The following ASB14 variants were observed in gnomAD, a reference collection of about 807,000 sequenced individuals.
The protein encoded by ASB14 is ankyrin repeat and SOCS box protein 14.
In ASB14, 63 loss-of-function variants were observed where a neutral mutation model predicts 55.6. The observed-to-expected ratio is 1.13, with a 90% confidence interval of 0.92 to 1.40. The LOEUF is 1.40. ASB14 is among the 40% of genes most tolerant of loss of function. The pLI, the probability that ASB14 is intolerant of heterozygous loss-of-function variation, is 0.00. For missense variants in ASB14, 724 were observed against 710.4 expected, an observed-to-expected ratio of 1.02 and a Z score of -0.22; for synonymous variants, 256 against 259.9, an observed-to-expected ratio of 0.98 and a Z score of 0.15.
At chr3:57,281,264 G>A (rs1168358148) in intron 6 of ASB14, among the ~76,000 whole-genome samples, 2 of 151,208 alleles carry the variant, frequency 1.3e-5, no homozygotes, top group Non-Finnish European at 3.0e-5. Context: ...TATGTTAAGT[G>A]TTATGTGAGT....
intron 5 of ASB14, among the ~76,000 whole-genome samples, chr3:57,284,730 G>T (rs1297302341): frequency 2.0e-5 from 3 of 152,158 alleles, no homozygotes; most frequent in Non-Finnish European, 4.4e-5. Flanking sequence ...AAGGAAACAG[G>T]TTTAGAGAGG....
intron 2 of ASB14, among the ~76,000 whole-genome samples, chr3:57,290,807 A>G (rs1355923025): frequency 1.3e-5 from 2 of 152,246 alleles, no homozygotes; most frequent in Non-Finnish European, 2.9e-5. Flanking sequence ...GGTTTTAATC[A>G]TAAGGTTAAT....
chr3:57,292,182 A>G lies in ASB14; in HGVS notation c.-71-78T>C, dbSNP rs148626039. 1.3e-4 allele frequency: 132 copies of G among 989,858 alleles called. 2 individuals are homozygous for G. The Middle Eastern group carries it at 2.1e-3, about 16-fold the overall frequency. The allele number at this position is 989,858 out of a possible 1,614,324, so 61.3% of individuals were successfully genotyped here. On this transcript the variant is annotated intron_variant, in intron 1 of 10. Coordinates refer to ENST00000487349, the MANE Select transcript of ASB14 (RefSeq NM_001142733.3). ...CAATGAAAAATATACAAAATTTAGGAAACAAAATATTCACTAAAAAATTTC... is the reference window on the plus strand; with the variant it reads ...CAATGAAAAATATACAAAATTTAGGGAACAAAATATTCACTAAAAAATTTC...
intron 10 of ASB14, chr3:57,271,158 T>C (rs896415392): frequency 3.9e-5 from 6 of 152,580 alleles, no homozygotes; most frequent in African/African-American, 1.2e-4. Flanking sequence ...TATACAGTTT[T>C]TTCTTCTTAG....
At chr3:57,284,151 G>C (rs1396261483) in intron 5 of ASB14, among the ~76,000 whole-genome samples, 1 of 88,344 alleles carries the variant, frequency 1.1e-5, no homozygotes, top group African/African-American at 4.1e-5. Context: ...TATATATTTA[G>C]GCTCTCATTC....
intron 7 of ASB14, 49 bp from the exon 8 acceptor site, chr3:57,278,969 C>T (rs970798145): frequency 6.4e-7 from 1 of 1,557,462 alleles, no homozygotes; most frequent in African/African-American, 1.4e-5. Context: ...TAAGATGTAG[C>T]ACTAACTTGT....
intron 10 of ASB14, chr3:57,270,286 TTTCTC>T (rs1287484246): frequency 3.3e-5 from 5 of 152,706 alleles, no homozygotes; most frequent in African/African-American, 1.2e-4. Context: ...ATTGCTCACA[TTTCTC>T]TAATGTACTG....
At chr3:57,271,269 T>C (rs980453340) in intron 10 of ASB14, 8 of 152,606 alleles carry the variant, frequency 5.2e-5, no homozygotes, top group Non-Finnish European at 8.8e-5. Context: ...GATAATGATA[T>C]ATAGGATCAT....
At chr3:57,269,914 C>T in intron 10 of ASB14, 1 of 363,716 alleles carries the variant, frequency 2.7e-6, no homozygotes, top group Non-Finnish European at 4.8e-6. Context: ...TAAAGGAAAC[C>T]TGCTCATCTC....
rs575787356 is a variant in ASB14, at chr3:57,281,231, A to G, written c.716-758T>C. On this transcript the variant is annotated intron_variant, in intron 6 of 10. Coordinates refer to ENST00000487349, the MANE Select transcript of ASB14 (RefSeq NM_001142733.3). ...ATTCTGGATTTCAGATTTTCAGATTAAGAATGCTTAACTTACACCCTGTAT... is the reference window on the plus strand; with the variant it reads ...ATTCTGGATTTCAGATTTTCAGATTGAGAATGCTTAACTTACACCCTGTAT... Among the ~76,000 whole-genome samples the G allele has an allele frequency of 5.3e-5, 8 of 152,116 alleles. 1 individual carries two copies. In the South Asian group the frequency reaches 1.7e-3, roughly 32 times the overall value.
Position 57,288,873 on chromosome 3 carries a change from C to G in ASB14, c.178+195G>C, listed in dbSNP as rs531440304. 7 of 423,924 alleles carry G rather than the reference C, an allele frequency of 1.7e-5. No homozygotes were observed. In the East Asian group the frequency reaches 3.2e-4, roughly 20 times the overall value. 26.3% of individuals were successfully genotyped at this position (423,924 alleles called of 1,614,324 possible). A position where few individuals can be genotyped will look rare whatever the true frequency, so the allele number is the denominator to read the frequency against. On this transcript the variant is annotated intron_variant, in intron 3 of 10. Coordinates refer to ENST00000487349, the MANE Select transcript of ASB14 (RefSeq NM_001142733.3). ...GGGATTACAGGCGCCCGCCACCATG[C>G]CCGGCTAATTTTTTGCATTTTTAGT... is the stretch of plus-strand genomic sequence containing the variant.
chr3:57,291,826 G>T, intron 2 of ASB14, 86 bp downstream of exon 2: 7 of 1,198,514 alleles, frequency 5.8e-6, no homozygotes, highest in Admixed American at 2.9e-5. Context: ...TCCTGTTTTT[G>T]TCACAACACT....
intron 5 of ASB14, among the ~76,000 whole-genome samples, chr3:57,285,382 C>T (rs1165980588): frequency 2.6e-5 from 4 of 152,002 alleles, no homozygotes; most frequent in Admixed American, 6.6e-5. Context: ...TCTTCATGCC[C>T]GTGTCTCTAA....
At chr3:57,271,304 A>G (rs1559517610) in intron 10 of ASB14, 1 of 152,578 alleles carries the variant, frequency 6.6e-6, no homozygotes, top group Non-Finnish European at 1.5e-5. Flanking sequence ...CCATGTGCCA[A>G]ATGGGTGTAA....
intron 5 of ASB14, among the ~76,000 whole-genome samples, chr3:57,284,771 A>ACAGTG (rs2061067619): frequency 6.6e-6 from 1 of 152,176 alleles, no homozygotes. Flanking sequence ...TTTTCACTAT[A>ACAGTG]CAGTGCTAGG....
intron 10 of ASB14, 27 bp from the exon 11 acceptor site, chr3:57,269,645 T>C: frequency 6.2e-7 from 1 of 1,613,416 alleles, no homozygotes; most frequent in Middle Eastern, 1.6e-4. Flanking sequence ...CAGAAGAGAG[T>C]GATTTGGGAG....
At chr3:57,286,869 G>A (rs1432884391) in intron 5 of ASB14, among the ~76,000 whole-genome samples, 1 of 152,044 alleles carries the variant, frequency 6.6e-6, no homozygotes, top group East Asian at 1.9e-4. Flanking sequence ...GCTACTCTTG[G>A]ATCATCCAAC....
Position 57,276,598 on chromosome 3 carries a change from G to A in ASB14, c.1716C>T (p.Tyr572=). 1 of 1,613,656 alleles carries A rather than the reference G, an allele frequency of 6.2e-7. No homozygotes were observed. The highest frequency in any genetic ancestry group is 8.5e-7 in the Non-Finnish European group (1 of 1,179,688). The part of the protein sequence containing the change: ...LPNRLKAYVL[Y]KEYDLYGQGI... The stretch of plus-strand genomic sequence containing the variant: ...CTTGTCCATAAAGGTCGTATTCTTT[G>A]TAAAGGACATATGCTTTTAGACGAT... Residue 572 remains tyrosine (Y), a synonymous_variant, in exon 10 of 11, where the codon TAC becomes TAT. Transcript: ENST00000487349.
At position 57,269,518 on chromosome 3, in the gene ASB14, TTC is replaced by T. The variant is rs1221868265; in HGVS notation, c.*121_*122del. The T allele has an allele frequency of 6.2e-7, 1 of 1,609,824 alleles. No homozygotes were observed. Among genetic ancestry groups the T allele is most frequent in the Non-Finnish European group, 8.5e-7 (1 of 1,178,040 alleles). On this transcript the variant is annotated 3_prime_UTR_variant, in exon 11 of 11. Coordinates refer to ENST00000487349, the MANE Select transcript of ASB14 (RefSeq NM_001142733.3). ...TTTGACTGCAGACAAGTAACTTAGT[TTC>T]TTTTTTGTCTTTTCCACTAGGACTT...
Sources: allele counts gnomAD v4.1 joint callset (sites outside exome capture counted in the v4.1 genomes callset), GRCh38; gene constraint gnomAD v4.1.1; transcripts MANE v1.5; gene names NCBI Gene and HGNC (gene_info 2026-07-23, HGNC 2026-07-21).